Variants in BACE1 observed in about 807,000 individuals in gnomAD.
The protein encoded by BACE1 is beta-secretase 1, also known as APP beta-secretase.
In BACE1, 21 loss-of-function variants were observed where a neutral mutation model predicts 54.0. The observed-to-expected ratio is 0.39, with a 90% CI of 0.28 to 0.56. BACE1 has a LOEUF of 0.56. BACE1 is among the 20% of genes least tolerant of loss of function. BACE1 has a pLI of 0.63. For synonymous variants in BACE1, 232 were observed against 260.9 expected (o/e 0.89, Z 1.07); for missense variants, 511 against 661.2 (o/e 0.77, Z 2.49).
In BACE1 at chr11:117,313,449, T is replaced by TC. The variant is rs28917246; in HGVS notation, c.261+2085dup. On this transcript the variant is annotated intron_variant, in intron 1 of 8. Transcript: ENST00000313005. ...CGTTTTTGTTTTTGTTTTTATTTTT[T>TC]CTGAGACAGAGTTTTGCTCTTGTTG... 5.5e-3 allele frequency among the ~76,000 whole-genome samples: 835 copies of TC among 152,332 alleles called. 5 individuals carry two copies. Among genetic ancestry groups the TC allele is most frequent in the Non-Finnish European group, 7.0e-3 (474 of 68,034 alleles).
rs757456877 is a variant in BACE1, at chr11:117,315,495, C to G, written c.261+40G>C. Reference sequence around the variant, plus strand: ...ATCCCCATCCTGTCTCCCCTCTGCTCATGCAGGCGGAGGGCTAAGGGCTGG... The same window carrying G: ...ATCCCCATCCTGTCTCCCCTCTGCTGATGCAGGCGGAGGGCTAAGGGCTGG... On this transcript the variant is annotated intron_variant, in intron 1 of 8. Transcript: ENST00000313005. This position sits in a 1 kb window ranked among gnomAD's most constrained non-coding sequence, Gnocchi z 5.5. 4 of 1,559,466 alleles carry G rather than the reference C, an allele frequency of 2.6e-6. No individual in the cohort carries two copies. Among genetic ancestry groups the G allele is most frequent in the Non-Finnish European group, 3.5e-6 (4 of 1,157,988 alleles).
chr11:117,289,641 C>T lies in BACE1; in HGVS notation c.1431G>A (p.Val477=), dbSNP rs1438988353. The T allele has an allele frequency of 6.2e-7, 1 of 1,614,224 alleles. No homozygotes were observed. The highest frequency in any genetic ancestry group is 1.1e-5 in the South Asian group (1 of 91,082). The change falls in exon 9 of 9, where the codon GTG becomes GTA. Residue 477 remains valine, a synonymous_variant. Transcript: ENST00000313005. The stretch of plus-strand genomic sequence containing the variant: ...GGCAGCGGAGGCAGCGCCACTGACA[C>T]ACCATGAGGCAGAGTGGCAGCATGA... ...ALFMLPLCLM[V]CQWRCLRCLR...
At chr11:117,290,178 T>C (rs886506428) in intron 8 of BACE1, among the ~76,000 whole-genome samples, 7 of 152,194 alleles carry the variant, frequency 4.6e-5, no homozygotes, top group Admixed American at 6.5e-5. Context: ...AGCCTCACCA[T>C]GTGGCAGCTG....
At chr11:117,300,938 C>T (rs1591863139) in intron 1 of BACE1, among the ~76,000 whole-genome samples, 1 of 152,328 alleles carries the variant, frequency 6.6e-6, no homozygotes, top group Admixed American at 6.5e-5. Flanking sequence ...TCTCCCTTCA[C>T]AACCAAAGCG....
Position 117,316,105 on chromosome 11 carries a change from C to A in BACE1, c.-310G>T. On this transcript the variant is annotated 5_prime_UTR_variant, in exon 1 of 9. Transcript: ENST00000313005. ...GGCTGGGAGGGGCGGGCATGGCGGGCCGGTGGCGGCTTCCCTGGTCCCCCC... is the reference window on the plus strand; with the variant it reads ...GGCTGGGAGGGGCGGGCATGGCGGGACGGTGGCGGCTTCCCTGGTCCCCCC... 1 of 394,582 alleles carries A rather than the reference C, an allele frequency of 2.5e-6. No homozygotes were observed. The highest frequency in any genetic ancestry group is 4.5e-6 in the Non-Finnish European group (1 of 223,960). The allele number at this position is 394,582 out of a possible 1,614,324, so 24.4% of individuals were successfully genotyped here.
chr11:117,290,416 G>A, intron 8 of BACE1, 72 bp downstream of exon 8: 1 of 1,555,794 alleles, frequency 6.4e-7, no homozygotes, highest in Non-Finnish European at 8.7e-7. Context: ...AGGGACCCAG[G>A]TATACTAACT....
At chr11:117,294,218 T>A in intron 3 of BACE1, 3 of 379,230 alleles carry the variant, frequency 7.9e-6, no homozygotes, top group Non-Finnish European at 1.4e-5. Flanking sequence ...GATTCATAGA[T>A]CTTTTTTTTT....
chr11:117,289,394 G>A lies in BACE1; in HGVS notation c.*172C>T, dbSNP rs1565354766. The A allele has an allele frequency of 7.0e-6, 8 of 1,136,692 alleles. No individual in the cohort carries two copies. The highest frequency in any genetic ancestry group is 9.7e-6 in the Non-Finnish European group (8 of 826,068). 70.4% of individuals were successfully genotyped at this position (1,136,692 alleles called of 1,614,324 possible). On this transcript the variant is annotated 3_prime_UTR_variant, in exon 9 of 9. Transcript: ENST00000313005. Reference sequence around the variant, plus strand: ...TCTGTTTCCTACAGGTACAGTCCCTGGAACCCACCTTGCCAGCCTTTTCCT... The same window carrying A: ...TCTGTTTCCTACAGGTACAGTCCCTAGAACCCACCTTGCCAGCCTTTTCCT...
intron 2 of BACE1, chr11:117,295,655 TGCA>T: frequency 6.6e-7 from 1 of 1,522,388 alleles, no homozygotes; most frequent in Non-Finnish European, 8.8e-7. Flanking sequence ...CTGCTGCTGC[TGCA>T]GGGACAGCTA....
rs1233695138 is a variant in BACE1 at position 117,316,231 on chromosome 11, C to A, written c.-436G>T. 2 of 433,756 alleles carry A rather than the reference C, an allele frequency of 4.6e-6. No homozygotes were observed. The highest frequency in any genetic ancestry group is 3.5e-5 in the East Asian group (1 of 28,190). The allele number at this position is 433,756 out of a possible 1,614,324, so 26.9% of individuals were successfully genotyped here. ...CAGCTCGCGGCTCGCAGCTCCCGGGCGGGCTGGGGAGGCGGAAAGACTTGT... is the reference window on the plus strand; with the variant it reads ...CAGCTCGCGGCTCGCAGCTCCCGGGAGGGCTGGGGAGGCGGAAAGACTTGT... On this transcript the variant is annotated 5_prime_UTR_variant, in exon 1 of 9. Transcript: ENST00000313005.
chr11:117,307,646 G>A (rs2034859276), intron 1 of BACE1, among the ~76,000 whole-genome samples: 1 of 152,122 alleles, frequency 6.6e-6, no homozygotes, highest in South Asian at 2.1e-4. Flanking sequence ...TTTCTGCCCA[G>A]CCCTTTATTG....
Position 117,293,715 on chromosome 11 carries a change from G to T in BACE1, c.705+156C>A. On this transcript the variant is annotated intron_variant, in intron 4 of 8. Coordinates refer to ENST00000313005, the MANE Select transcript of BACE1 (RefSeq NM_012104.6). The surrounding 1 kb of genome is among the most constrained non-coding windows in gnomAD (Gnocchi z 4.1). ...TTCTGGAATAACGCAAAAAAGAAAA[G>T]AATGGAAAAATAAAGTAAGGGTAGG... 4 of 745,356 alleles carry T rather than the reference G, an allele frequency of 5.4e-6. No individual in the cohort carries two copies. The highest frequency in any genetic ancestry group is 5.7e-6 in the Non-Finnish European group (3 of 529,996). The allele number at this position is 745,356 out of a possible 1,614,324, so 46.2% of individuals were successfully genotyped here.
rs774236489 is a variant in BACE1, at chr11:117,293,863, C to G, written c.705+8G>C. On this transcript the variant is annotated splice_region_variant and intron_variant, in intron 4 of 8. Coordinates refer to ENST00000313005, the MANE Select transcript of BACE1 (RefSeq NM_012104.6). This position sits in a 1 kb window ranked among gnomAD's most constrained non-coding sequence, Gnocchi z 4.1. ...GCCAGGACCTCCCCTCTCTGAGGACCTACTCACCATGCTCCCTCCGACAGA... is the reference window on the plus strand; with the variant it reads ...GCCAGGACCTCCCCTCTCTGAGGACGTACTCACCATGCTCCCTCCGACAGA... 1.5e-5 allele frequency: 24 copies of G among 1,609,698 alleles called. No homozygotes were observed. Among genetic ancestry groups the G allele is most frequent in the Non-Finnish European group, 2.0e-5 (23 of 1,178,348 alleles).
chr11:117,295,101 G>A, intron 3 of BACE1, 30 bp downstream of exon 3: 2 of 1,585,236 alleles, frequency 1.3e-6, no homozygotes, highest in African/African-American at 1.3e-5. Context: ...TGTGCATAGA[G>A]TGTGTAGGGC....
At chr11:117,297,107 C>T in intron 1 of BACE1, 146 bp from the exon 2 acceptor site, 2 of 628,220 alleles carry the variant, frequency 3.2e-6, no homozygotes, top group Non-Finnish European at 5.5e-6. Context: ...CAGGCTGGCA[C>T]CCGTTACCAC....
chr11:117,306,533 C>T (rs2034836024), intron 1 of BACE1, among the ~76,000 whole-genome samples: 1 of 152,164 alleles, frequency 6.6e-6, no homozygotes, highest in African/African-American at 2.4e-5. Context: ...TAGGGCCAGG[C>T]ACAGTGACTC....
chr11:117,305,896 C>T (rs1378270123), intron 1 of BACE1, among the ~76,000 whole-genome samples: 1 of 151,918 alleles, frequency 6.6e-6, no homozygotes, highest in Non-Finnish European at 1.5e-5. Flanking sequence ...ATTAGCCGGG[C>T]GTGATGGCAG....
intron 6 of BACE1, 48 bp downstream of exon 6, chr11:117,291,664 C>T (rs764521142): frequency 7.3e-7 from 1 of 1,367,018 alleles, no homozygotes; most frequent in East Asian, 2.3e-5. Flanking sequence ...TCACCGCCTC[C>T]CTCTGACACT....
At chr11:117,312,567 A>C (rs1020807593) in intron 1 of BACE1, among the ~76,000 whole-genome samples, 2 of 152,046 alleles carry the variant, frequency 1.3e-5, no homozygotes, top group Non-Finnish European at 2.9e-5. Flanking sequence ...GGTTCAAGCA[A>C]TTCTCCTACC....
Sources: gnomAD v4.1 joint callset for allele counts (sites outside exome capture counted in the v4.1 genomes callset) on GRCh38, gnomAD v4.1.1 for gene constraint, Gnocchi (gnomAD v3.1) non-coding constraint, MANE v1.5 for transcripts, NCBI Gene and HGNC (gene_info 2026-07-23, HGNC 2026-07-21) for gene names.